KCNMB2: variants seen among roughly 807,000 people sequenced by gnomAD.
KCNMB2 encodes the protein potassium calcium-activated channel subfamily M regulatory beta subunit 2, also known as calcium-activated potassium channel subunit beta-2.
Under a neutral mutation model 24.5 loss-of-function variants are expected in KCNMB2, and 9 were observed. That is an observed-to-expected ratio of 0.37 (90% CI 0.22 to 0.64). The LOEUF (loss-of-function observed/expected upper bound fraction) is 0.64, where lower values mean the gene tolerates loss of function less well. KCNMB2 is among the 30% of genes least tolerant of loss of function. The pLI is 0.63. For synonymous variants in KCNMB2, 109 were observed against 104.4 expected (o/e 1.04, Z -0.27); for missense variants, 226 against 284.3 (o/e 0.79, Z 1.47).
At chr3:178,575,214 T>C (rs2108482303) in intron 1 of KCNMB2, among the ~76,000 whole-genome samples, 1 of 151,116 alleles carries the variant, frequency 6.6e-6, no homozygotes, top group South Asian at 2.1e-4. Context: ...AGAATGGGAG[T>C]GAGGAAAGAG....
intron 1 of KCNMB2, among the ~76,000 whole-genome samples, chr3:178,657,798 C>T (rs568955396): frequency 5.9e-5 from 9 of 152,314 alleles, no homozygotes; most frequent in Admixed American, 5.2e-4. Flanking sequence ...GATGGCATCA[C>T]ATGGAAGGAG....
chr3:178,641,644 G>T (rs972382177), intron 1 of KCNMB2, among the ~76,000 whole-genome samples: 16 of 151,794 alleles, frequency 1.1e-4, no homozygotes, highest in Non-Finnish European at 2.2e-4. Flanking sequence ...TCCCCACTTT[G>T]TATGCATTTT....
chr3:178,798,665 G>A (rs1445059281), intron 1 of KCNMB2, among the ~76,000 whole-genome samples: 6 of 152,076 alleles, frequency 3.9e-5, no homozygotes, highest in Admixed American at 6.6e-5. Context: ...ATAAGTGAGA[G>A]CTGAACAATG....
chr3:178,656,793 A>AG (rs1288855916), intron 1 of KCNMB2, among the ~76,000 whole-genome samples: 1 of 152,028 alleles, frequency 6.6e-6, no homozygotes, highest in Non-Finnish European at 1.5e-5. Flanking sequence ...TAAATAAAGG[A>AG]ATGCTGTACT....
intron 1 of KCNMB2, among the ~76,000 whole-genome samples, chr3:178,537,563 A>C (rs944483900): frequency 6.6e-6 from 1 of 152,236 alleles, no homozygotes; most frequent in African/African-American, 2.4e-5. Flanking sequence ...TTGCAGAGGA[A>C]CTTATTATAC....
intron 1 of KCNMB2, among the ~76,000 whole-genome samples, chr3:178,747,716 C>T (rs1287285767): frequency 6.6e-6 from 1 of 152,194 alleles, no homozygotes; most frequent in Non-Finnish European, 1.5e-5. Context: ...CTCAACCTCA[C>T]TGTTACTTGA....
chr3:178,619,089 T>C (rs1349110260), intron 1 of KCNMB2, among the ~76,000 whole-genome samples: 2 of 152,176 alleles, frequency 1.3e-5, no homozygotes. Context: ...CAACATTTAC[T>C]GAGCAGCTGC....
chr3:178,637,533 G>A (rs1314314240), intron 1 of KCNMB2, among the ~76,000 whole-genome samples: 1 of 152,006 alleles, frequency 6.6e-6, no homozygotes, highest in Non-Finnish European at 1.5e-5. Context: ...TAATTACATT[G>A]GTCTTTAGTT....
At chr3:178,672,622 T>C (rs921291039) in intron 1 of KCNMB2, among the ~76,000 whole-genome samples, 2 of 152,226 alleles carry the variant, frequency 1.3e-5, no homozygotes, top group Non-Finnish European at 2.9e-5. Context: ...CAAGGGTCTA[T>C]GCTAACACTG....
At chr3:178,613,372 C>T (rs910406913) in intron 1 of KCNMB2, among the ~76,000 whole-genome samples, 5 of 152,182 alleles carry the variant, frequency 3.3e-5, no homozygotes, top group South Asian at 2.1e-4. Context: ...CCTTTACACA[C>T]GGTTACAGTG....
At chr3:178,714,564 G>A (rs551934807) in intron 1 of KCNMB2, among the ~76,000 whole-genome samples, 3 of 152,202 alleles carry the variant, frequency 2.0e-5, no homozygotes, top group Non-Finnish European at 4.4e-5. Flanking sequence ...TCGGGAGAAA[G>A]CACGACATGG....
chr3:178,566,023 A>G (rs1372663432), intron 1 of KCNMB2, among the ~76,000 whole-genome samples: 1 of 152,224 alleles, frequency 6.6e-6, no homozygotes, highest in East Asian at 1.9e-4. Context: ...ATCAGGGCAG[A>G]TTCTTACTGG....
At chr3:178,710,470 T>A (rs1022829707) in intron 1 of KCNMB2, among the ~76,000 whole-genome samples, 1 of 152,134 alleles carries the variant, frequency 6.6e-6, no homozygotes, top group African/African-American at 2.4e-5. Context: ...GCCTCAGACC[T>A]CAATAATCCT....
chr3:178,667,603 G>A (rs1720764260), intron 1 of KCNMB2, among the ~76,000 whole-genome samples: 1 of 152,064 alleles, frequency 6.6e-6, no homozygotes, highest in African/African-American at 2.4e-5. Flanking sequence ...ACCATATGAG[G>A]ACACAGTGAG....
At chr3:178,719,986 T>A (rs1722743031) in intron 1 of KCNMB2, among the ~76,000 whole-genome samples, 1 of 152,202 alleles carries the variant, frequency 6.6e-6, no homozygotes, top group African/African-American at 2.4e-5. Context: ...TCAGTGTTTT[T>A]TTTTAAATTA....
At chr3:178,588,634 T>C (rs1717546966) in intron 1 of KCNMB2, among the ~76,000 whole-genome samples, 2 of 152,106 alleles carry the variant, frequency 1.3e-5, no homozygotes, top group South Asian at 4.1e-4. Context: ...TCTATATTCA[T>C]AATATCATAT....
At chr3:178,714,029 C>T (rs1029741795) in intron 1 of KCNMB2, among the ~76,000 whole-genome samples, 5 of 152,008 alleles carry the variant, frequency 3.3e-5, no homozygotes, top group Admixed American at 2.0e-4. Flanking sequence ...TTTTCTGTTG[C>T]CTGTGAAAAA....
chr3:178,689,104 T>TAA (rs1721573766), intron 1 of KCNMB2, among the ~76,000 whole-genome samples: 1 of 152,194 alleles, frequency 6.6e-6, no homozygotes, highest in Non-Finnish European at 1.5e-5. Context: ...CAGAAAATCT[T>TAA]GAGTCTAAAG....
chr3:178,633,329 G>A (rs114170174), intron 1 of KCNMB2, among the ~76,000 whole-genome samples: 3,355 of 152,312 alleles, frequency 0.022, 109 homozygotes, highest in South Asian at 0.13. Context: ...GGTTCTCCAT[G>A]AGGGCCCCAG....
Sources: allele counts gnomAD v4.1 joint callset (sites outside exome capture counted in the v4.1 genomes callset), GRCh38; gene constraint gnomAD v4.1.1; transcripts MANE v1.5; gene names NCBI Gene and HGNC (gene_info 2026-07-23, HGNC 2026-07-21).